The following CDH13 variants were observed in gnomAD, a reference collection of about 807,000 sequenced individuals.
CDH13 encodes cadherin-13.
A neutral mutation model predicts 63.8 loss-of-function variants in CDH13; 24 were observed. That is an observed-to-expected ratio of 0.38 (90% CI 0.27 to 0.53). The LOEUF (loss-of-function observed/expected upper bound fraction) is 0.53. CDH13 is among the 20% of genes least tolerant of loss of function. The pLI, the probability that CDH13 is intolerant of heterozygous loss-of-function variation, is 0.85. For synonymous variants in CDH13, 503 were observed against 355.3 expected (o/e 1.42, Z -4.67); for missense variants, 1,049 against 903.1 (o/e 1.16, Z -2.07).
At chr16:83,253,028 C>G (rs1471602243) in intron 5 of CDH13, among the ~76,000 whole-genome samples, 1 of 152,042 alleles carries the variant, frequency 6.6e-6, no homozygotes, top group Non-Finnish European at 1.5e-5. Flanking sequence ...GTATTGCGTG[C>G]CAAACCCTTA....
In CDH13 at chr16:83,167,198, A is replaced by AT. The variant is rs957646277; in HGVS notation, c.483+41699dup. ...TTCTTGTCTGTAAGTGAAATGTAGT[A>AT]TTAAAAAAAAAAAAAAGGCCGGGCA... On this transcript the variant is annotated intron_variant, in intron 4 of 13. Transcript: ENST00000567109. 2.1e-4 allele frequency among the ~76,000 whole-genome samples: 30 copies of AT among 145,348 alleles called. No individual in the cohort carries two copies. The East Asian group carries it at 3.4e-3, about 17-fold the overall frequency.
intron 7 of CDH13, among the ~76,000 whole-genome samples, chr16:83,571,632 C>T (rs574944527): frequency 1.3e-5 from 2 of 152,142 alleles, no homozygotes; most frequent in Non-Finnish European, 1.5e-5. Context: ...GTAACGCTGG[C>T]ATGTGCCTTG....
intron 13 of CDH13, among the ~76,000 whole-genome samples, chr16:83,791,604 A>G (rs1201191228): frequency 6.6e-6 from 1 of 152,104 alleles, no homozygotes; most frequent in Non-Finnish European, 1.5e-5. Context: ...CAAGGTCAGG[A>G]GTTCAAGATC....
intron 5 of CDH13, among the ~76,000 whole-genome samples, chr16:83,307,041 T>TC (rs2089897805): frequency 1.3e-5 from 2 of 152,200 alleles, no homozygotes; most frequent in East Asian, 3.9e-4. Context: ...AATAAGCTCT[T>TC]CAAAGTTCAG....
chr16:82,847,801 C>T (rs1197631228), intron 1 of CDH13, among the ~76,000 whole-genome samples: 1 of 152,132 alleles, frequency 6.6e-6, no homozygotes, highest in Non-Finnish European at 1.5e-5. Context: ...TACCAAAAGC[C>T]AGAGAAATCA....
At position 83,267,219 on chromosome 16, in the gene CDH13, A is replaced by G. The variant is rs544131921; in HGVS notation, c.636+49722A>G. ...CAAAGAGGAAAATTTATCATTTCAC[A>G]AAACACAAAGGCTGAAGGTGCAGGG... On this transcript the variant is annotated intron_variant, in intron 5 of 13. Coordinates refer to ENST00000567109, the MANE Select transcript of CDH13 (RefSeq NM_001257.5). 1.2e-4 allele frequency among the ~76,000 whole-genome samples: 18 copies of G among 152,264 alleles called. No homozygotes were observed. The East Asian group carries it at 3.5e-3, about 29-fold the overall frequency.
intron 2 of CDH13, among the ~76,000 whole-genome samples, chr16:82,912,656 G>T (rs1324249564): frequency 3.3e-5 from 5 of 152,190 alleles, no homozygotes; most frequent in Non-Finnish European, 7.3e-5. Context: ...AAAGAGAGTG[G>T]TGACTCGCCG....
intron 2 of CDH13, among the ~76,000 whole-genome samples, chr16:82,898,602 C>T (rs1389733199): frequency 1.3e-5 from 2 of 152,102 alleles, no homozygotes; most frequent in African/African-American, 2.4e-5. Flanking sequence ...AGATAGTGGT[C>T]TAAAAGTCCA....
intron 5 of CDH13, among the ~76,000 whole-genome samples, chr16:83,260,560 C>T (rs138969072): frequency 1.3e-5 from 2 of 152,244 alleles, no homozygotes; most frequent in East Asian, 3.9e-4. Context: ...CGGAATCACC[C>T]GGGATCCCAG....
In CDH13 at chr16:83,011,432, C is replaced by T. The variant is rs190461183; in HGVS notation, c.158-20578C>T. ...AGTCTGAAAGAAGGTGAGCCCTCAA[C>T]TTCTACAAGTAGTGCAAATCGAAAG... On this transcript the variant is annotated intron_variant, in intron 2 of 13. Coordinates refer to ENST00000567109, the MANE Select transcript of CDH13 (RefSeq NM_001257.5). Among the ~76,000 whole-genome samples, 3 of 152,206 alleles carry T rather than the reference C, an allele frequency of 2.0e-5. No homozygotes were observed. In the East Asian group the frequency reaches 5.8e-4, roughly 29 times the overall value.
At chr16:83,080,096 T>A (rs73598146) in intron 3 of CDH13, among the ~76,000 whole-genome samples, 4,541 of 152,262 alleles carry the variant, frequency 0.03, 230 homozygotes, top group African/African-American at 0.1. Context: ...TCTTGTGGCC[T>A]GGGTGAAGGT....
intron 2 of CDH13, among the ~76,000 whole-genome samples, chr16:83,011,422 G>T: frequency 6.6e-6 from 1 of 152,100 alleles, no homozygotes; most frequent in East Asian, 1.9e-4. Context: ...GAAAGAAGGT[G>T]AGCCCTCAAC....
chr16:83,399,264 G>C (rs552972071), intron 6 of CDH13, among the ~76,000 whole-genome samples: 115 of 152,286 alleles, frequency 7.6e-4, no homozygotes, highest in African/African-American at 2.6e-3. Flanking sequence ...TAATTAGCAG[G>C]CTTATTATGA....
intron 1 of CDH13, among the ~76,000 whole-genome samples, chr16:82,716,322 G>A (rs372716918): frequency 2.0e-5 from 3 of 152,174 alleles, no homozygotes; most frequent in Non-Finnish European, 4.4e-5. Flanking sequence ...GAAAGGTGGT[G>A]GGAATTCTCC....
intron 1 of CDH13, among the ~76,000 whole-genome samples, chr16:82,698,001 C>A (rs1306372528): frequency 6.6e-6 from 1 of 151,968 alleles, no homozygotes; most frequent in Non-Finnish European, 1.5e-5. Flanking sequence ...TGTTAATGTT[C>A]CAGCGCAGTG....
intron 5 of CDH13, among the ~76,000 whole-genome samples, chr16:83,243,970 AT>A (rs1904731818): frequency 6.6e-6 from 1 of 152,120 alleles, no homozygotes; most frequent in African/African-American, 2.4e-5. Flanking sequence ...GTTTATCAGC[AT>A]TGTAGGAAGG....
intron 1 of CDH13, among the ~76,000 whole-genome samples, chr16:82,712,563 C>T (rs768490105): frequency 2.6e-5 from 4 of 152,224 alleles, no homozygotes; most frequent in Non-Finnish European, 5.9e-5. Flanking sequence ...CCACCTATCA[C>T]ACCTGTCCTT....
chr16:83,124,809 C>T lies in CDH13; in HGVS notation c.367-576C>T, dbSNP rs139898269. ...TCATTTCCCTATCATATATTTTTGC[C>T]GACTTTCTTGAAGATCAGTTGGTTG... On this transcript the variant is annotated intron_variant, in intron 3 of 13. Coordinates refer to ENST00000567109, the MANE Select transcript of CDH13 (RefSeq NM_001257.5). Among the ~76,000 whole-genome samples, 399 of 152,116 alleles carry T rather than the reference C, an allele frequency of 2.6e-3. 9 individuals are homozygous for T. In the East Asian group the frequency reaches 0.043, roughly 16 times the overall value.
intron 7 of CDH13, 47 bp downstream of exon 7, chr16:83,486,702 G>C (rs368230137): frequency 6.4e-7 from 1 of 1,572,922 alleles, no homozygotes; most frequent in Non-Finnish European, 8.7e-7. Context: ...ATAGAATGTG[G>C]CTTTCATGCA....
Sources: allele counts gnomAD v4.1 joint callset (sites outside exome capture counted in the v4.1 genomes callset), GRCh38; gene constraint gnomAD v4.1.1; transcripts MANE v1.5; gene names NCBI Gene and HGNC (gene_info 2026-07-23, HGNC 2026-07-21).